DNAAF9: variants seen among roughly 807,000 people sequenced by gnomAD.
DNAAF9 encodes shulin.
In DNAAF9, 90 loss-of-function variants were observed where a neutral mutation model predicts 167.0. The observed-to-expected ratio is 0.54, with a 90% CI of 0.45 to 0.64. The LOEUF (loss-of-function observed/expected upper bound fraction) is 0.64. Among genes scored for constraint, DNAAF9 ranks in the 30% least tolerant of loss-of-function variants. DNAAF9 has a pLI of 0.00. For synonymous variants in DNAAF9, 491 were observed against 508.8 expected, an observed-to-expected ratio of 0.96 and a Z score of 0.47; for missense variants, 1,315 against 1,442.2, an observed-to-expected ratio of 0.91 and a Z score of 1.43.
At chr20:3,283,636 G>A (rs1451695433) in intron 27 of DNAAF9, among the ~76,000 whole-genome samples, 1 of 152,236 alleles carries the variant, frequency 6.6e-6, no homozygotes. Flanking sequence ...GGTAAGCAGG[G>A]CTGGCGTGTG....
chr20:3,387,884 T>TAAAAAAAAAAAAAAAAAA (rs557861791), intron 1 of DNAAF9, among the ~76,000 whole-genome samples: 5 of 87,364 alleles, frequency 5.7e-5, no homozygotes, highest in East Asian at 4.3e-4. Context: ...CTACAAAAAG[T>TAAAAAAAAAAAAAAAAAA]AAAAAAAAAA....
intron 10 of DNAAF9, among the ~76,000 whole-genome samples, chr20:3,336,118 A>G (rs918267117): frequency 2.0e-5 from 3 of 151,876 alleles, no homozygotes; most frequent in African/African-American, 4.8e-5. Context: ...GCGAGACCCC[A>G]TTTCAAAAAA....
intron 21 of DNAAF9, among the ~76,000 whole-genome samples, chr20:3,299,591 C>A (rs957590340): frequency 1.3e-5 from 2 of 152,188 alleles, no homozygotes; most frequent in East Asian, 3.9e-4. Flanking sequence ...CGATTACAGG[C>A]GTGAGCCACC....
At chr20:3,394,338 CA>C (rs11479398) in intron 1 of DNAAF9, among the ~76,000 whole-genome samples, 23,385 of 95,506 alleles carry the variant, frequency 0.24, 1,823 homozygotes, top group Non-Finnish European at 0.27. Context: ...AACTCCGTCT[CA>C]AAAAAAAAAA....
At chr20:3,359,465 A>G (rs1424521753) in intron 7 of DNAAF9, 51 bp downstream of exon 7, 1 of 1,152,046 alleles carries the variant, frequency 8.7e-7, no homozygotes, top group Non-Finnish European at 1.3e-6. Flanking sequence ...CTAGCAGGTA[A>G]CTGAGCTGGA....
At chr20:3,284,171 GTC>G (rs1004809852) in intron 27 of DNAAF9, among the ~76,000 whole-genome samples, 21 of 134,088 alleles carry the variant, frequency 1.6e-4, no homozygotes, top group Non-Finnish European at 3.1e-5. Context: ...AGTTACTAGA[GTC>G]TTTTTTTTTT....
intron 20 of DNAAF9, 113 bp from the exon 21 acceptor site, chr20:3,304,656 C>T (rs1238828205): frequency 4.7e-6 from 3 of 636,500 alleles, no homozygotes; most frequent in Non-Finnish European, 8.4e-6. Flanking sequence ...GTAGCAATTA[C>T]GTTATGCGAT....
At chr20:3,293,273 A>G (rs934103657) in intron 25 of DNAAF9, among the ~76,000 whole-genome samples, 75 of 135,350 alleles carry the variant, frequency 5.5e-4, no homozygotes, top group Admixed American at 1.2e-3. Context: ...AGCCTGGGCA[A>G]CAGAGGGAGA....
At chr20:3,287,526 G>T (rs1458410894) in intron 27 of DNAAF9, 106 bp downstream of exon 27, 16 of 1,046,412 alleles carry the variant, frequency 1.5e-5, no homozygotes, top group Non-Finnish European at 1.8e-5. Context: ...CACTGCTCAT[G>T]CATGTAGAGT....
At chr20:3,353,173 T>C (rs1012430671) in intron 7 of DNAAF9, among the ~76,000 whole-genome samples, 43 of 151,384 alleles carry the variant, frequency 2.8e-4, no homozygotes, top group Non-Finnish European at 1.0e-4. Context: ...ATCTGAGCCC[T>C]CCCCACAACA....
intron 1 of DNAAF9, among the ~76,000 whole-genome samples, chr20:3,397,565 G>A (rs975863979): frequency 1.3e-5 from 2 of 152,090 alleles, no homozygotes; most frequent in Non-Finnish European, 1.5e-5. Context: ...TGATCTGCCC[G>A]TCTCAGCCTC....
intron 8 of DNAAF9, among the ~76,000 whole-genome samples, chr20:3,345,747 A>C (rs984588278): frequency 6.6e-6 from 1 of 152,196 alleles, no homozygotes; most frequent in Admixed American, 6.5e-5. Context: ...CAAGAAAAAA[A>C]CCCATTATAA....
chr20:3,401,971 A>G (rs1488248465), intron 1 of DNAAF9, among the ~76,000 whole-genome samples: 2 of 152,200 alleles, frequency 1.3e-5, no homozygotes, highest in Non-Finnish European at 2.9e-5. Context: ...GTTTTGCTAG[A>G]GCACATCCTC....
intron 1 of DNAAF9, among the ~76,000 whole-genome samples, chr20:3,407,022 T>C (rs1442630928): frequency 6.6e-6 from 1 of 151,974 alleles, no homozygotes; most frequent in Non-Finnish European, 1.5e-5. Context: ...AGGGAGCTAT[T>C]GTGTGTGTGG....
At chr20:3,257,099 G>A (rs2068295102) in intron 33 of DNAAF9, among the ~76,000 whole-genome samples, 1 of 152,176 alleles carries the variant, frequency 6.6e-6, no homozygotes, top group African/African-American at 2.4e-5. Context: ...AAGGAGATGA[G>A]GGCTAGGAGT....
At chr20:3,376,821 T>C (rs974376993) in intron 3 of DNAAF9, among the ~76,000 whole-genome samples, 8 of 152,134 alleles carry the variant, frequency 5.3e-5, no homozygotes, top group Non-Finnish European at 8.8e-5. Flanking sequence ...TCCCAGCACT[T>C]TGGGAGGCTG....
At chr20:3,368,515 CT>C (rs147303892) in intron 6 of DNAAF9, among the ~76,000 whole-genome samples, 48,100 of 126,582 alleles carry the variant, frequency 0.38, 7,494 homozygotes, top group Middle Eastern at 0.53. Flanking sequence ...TTCCTGGAAG[CT>C]TTTTTTTTTT....
chr20:3,336,731 T>C (rs929903561), intron 10 of DNAAF9, among the ~76,000 whole-genome samples: 7 of 150,066 alleles, frequency 4.7e-5, no homozygotes, highest in Non-Finnish European at 8.9e-5. Context: ...TTTCTATTTT[T>C]AGTAGAGACG....
rs371568950 is a variant in DNAAF9 at position 3,332,340 on chromosome 20, T to C, written c.1003A>G (p.Lys335Glu). 2 of 1,605,804 alleles carry C rather than the reference T, an allele frequency of 1.2e-6. No homozygotes were observed. Among genetic ancestry groups the C allele is most frequent in the Non-Finnish European group, 1.7e-6 (2 of 1,172,590 alleles). Residue 335 changes from lysine to glutamate, a missense_variant, in exon 11 of 37, where the codon AAG becomes GAG. Transcript: ENST00000252032. The stretch of plus-strand genomic sequence containing the variant: ...GTTCTCGAACAAGCAAGAGGTCCCT[T>C]TGGTGAGACACACTGGGCTACCTGG... ...KHMVAQCVSP[K>E]GPLACSRTYF...
Sources: gnomAD v4.1 joint callset for allele counts (sites outside exome capture counted in the v4.1 genomes callset) on GRCh38, gnomAD v4.1.1 for gene constraint, MANE v1.5 for transcripts, NCBI Gene and HGNC (gene_info 2026-07-23, HGNC 2026-07-21) for gene names.